Variants in CTIF observed in about 807,000 individuals in gnomAD.
The protein encoded by CTIF is CBP80/20-dependent translation initiation factor.
A neutral mutation model predicts 66.0 loss-of-function variants in CTIF; 21 were observed. The observed-to-expected ratio is 0.32, with a 90% CI of 0.23 to 0.46. CTIF has a LOEUF of 0.46. CTIF is among the 20% of genes least tolerant of loss of function. The pLI, the probability that CTIF is intolerant of heterozygous loss-of-function variation, is 1.00. For missense variants in CTIF, 739 were observed against 812.7 expected (o/e 0.91, Z 1.10); for synonymous variants, 345 against 326.4 (o/e 1.06, Z -0.62).
intron 1 of CTIF, among the ~76,000 whole-genome samples, chr18:48,573,896 G>A (rs1273023404): frequency 6.6e-6 from 1 of 152,240 alleles, no homozygotes; most frequent in East Asian, 1.9e-4. Context: ...CTCTGTATCA[G>A]GTGCTGTCCT....
intron 6 of CTIF, among the ~76,000 whole-genome samples, chr18:48,691,097 T>C (rs1488296289): frequency 6.6e-6 from 1 of 152,154 alleles, no homozygotes; most frequent in East Asian, 1.9e-4. Context: ...GTGAAGGAAA[T>C]GTCTTGGAAT....
At chr18:48,734,904 A>C (rs1167028768) in intron 7 of CTIF, among the ~76,000 whole-genome samples, 1 of 152,158 alleles carries the variant, frequency 6.6e-6, no homozygotes, top group Non-Finnish European at 1.5e-5. Context: ...AACAATTTAC[A>C]CTTAATATCA....
At chr18:48,710,784 C>T (rs2092214419) in intron 6 of CTIF, among the ~76,000 whole-genome samples, 1 of 152,112 alleles carries the variant, frequency 6.6e-6, no homozygotes, top group African/African-American at 2.4e-5. Context: ...GGAGCCTGGG[C>T]AACAAAGTGA....
intron 9 of CTIF, among the ~76,000 whole-genome samples, chr18:48,762,129 G>A (rs1211611626): frequency 6.6e-6 from 1 of 152,298 alleles, no homozygotes; most frequent in South Asian, 2.1e-4. Context: ...TAGTGAGATG[G>A]GTTTGAGTAA....
At chr18:48,601,432 T>C (rs1396527922) in intron 1 of CTIF, among the ~76,000 whole-genome samples, 1 of 152,236 alleles carries the variant, frequency 6.6e-6, no homozygotes, top group African/African-American at 2.4e-5. Context: ...CCAGACTTTC[T>C]CATAGGCGAT....
chr18:48,654,756 A>G (rs1055843605), intron 3 of CTIF, among the ~76,000 whole-genome samples: 2 of 152,254 alleles, frequency 1.3e-5, no homozygotes, highest in African/African-American at 4.8e-5. Context: ...TGGATTAAGA[A>G]AATGTGGCAC....
intron 2 of CTIF, among the ~76,000 whole-genome samples, chr18:48,624,931 C>T (rs187483161): frequency 7.9e-5 from 12 of 152,244 alleles, no homozygotes; most frequent in Non-Finnish European, 1.0e-4. Context: ...TGATGCTTTC[C>T]GGCACTTGGA....
chr18:48,669,790 C>CATTTATAT (rs1380729080), intron 5 of CTIF, among the ~76,000 whole-genome samples: 1 of 35,954 alleles, frequency 2.8e-5, no homozygotes, highest in African/African-American at 7.5e-5. Flanking sequence ...ACAAGCTAAA[C>CATTTATAT]ATTTATATAT....
intron 1 of CTIF, among the ~76,000 whole-genome samples, chr18:48,587,631 C>G (rs2089801181): frequency 6.6e-6 from 1 of 152,120 alleles, no homozygotes; most frequent in Non-Finnish European, 1.5e-5. Context: ...CTTTTTGGGG[C>G]CTCACTTTTC....
chr18:48,553,003 A>G (rs1171506763), intron 1 of CTIF, among the ~76,000 whole-genome samples: 1 of 152,202 alleles, frequency 6.6e-6, no homozygotes, highest in Non-Finnish European at 1.5e-5. Context: ...CCATCCTTCT[A>G]TAATACAGGG....
intron 6 of CTIF, among the ~76,000 whole-genome samples, chr18:48,678,607 T>A (rs1245078896): frequency 1.5e-5 from 2 of 131,782 alleles, no homozygotes; most frequent in Non-Finnish European, 3.3e-5. Context: ...TTTTTTTTTT[T>A]AAAGAACTGA....
intron 6 of CTIF, among the ~76,000 whole-genome samples, chr18:48,703,969 C>T (rs2092118134): frequency 6.6e-6 from 1 of 152,240 alleles, no homozygotes; most frequent in South Asian, 2.1e-4. Flanking sequence ...CAGACGCCAG[C>T]TCTCCCACTT....
chr18:48,547,412 C>G (rs965530369), intron 1 of CTIF, among the ~76,000 whole-genome samples: 4 of 152,194 alleles, frequency 2.6e-5, no homozygotes, highest in African/African-American at 9.6e-5. Flanking sequence ...TTCCCATGCT[C>G]AGAGTCTTTA....
chr18:48,743,029 A>G (rs1367947624), intron 7 of CTIF, among the ~76,000 whole-genome samples: 1 of 152,220 alleles, frequency 6.6e-6, no homozygotes, highest in East Asian at 1.9e-4. Flanking sequence ...TTTTTTACCC[A>G]TAATGGACAG....
At chr18:48,715,546 A>C (rs1246514025) in intron 7 of CTIF, among the ~76,000 whole-genome samples, 2 of 152,134 alleles carry the variant, frequency 1.3e-5, no homozygotes, top group Admixed American at 1.3e-4. Context: ...TGCCCAGAGC[A>C]CATAGACCAG....
intron 1 of CTIF, among the ~76,000 whole-genome samples, chr18:48,600,107 G>A (rs1334664773): frequency 6.6e-6 from 1 of 152,134 alleles, no homozygotes; most frequent in Non-Finnish European, 1.5e-5. Context: ...ATGGGGTTGA[G>A]AGCACTAAAA....
intron 9 of CTIF, among the ~76,000 whole-genome samples, chr18:48,778,336 G>C (rs973211022): frequency 6.6e-6 from 1 of 152,202 alleles, no homozygotes; most frequent in Non-Finnish European, 1.5e-5. Flanking sequence ...CAGGAGGCGG[G>C]AGCCCCAGGT....
At chr18:48,669,791 ATT>A (rs35796033) in intron 5 of CTIF, among the ~76,000 whole-genome samples, 2,826 of 34,518 alleles carry the variant, frequency 0.082, 793 homozygotes, top group East Asian at 0.19. Flanking sequence ...CAAGCTAAAC[ATT>A]TATATATATA....
At chr18:48,763,806 C>G (rs1293277042) in intron 9 of CTIF, among the ~76,000 whole-genome samples, 1 of 152,126 alleles carries the variant, frequency 6.6e-6, no homozygotes, top group Non-Finnish European at 1.5e-5. Flanking sequence ...CCCGTGTGAG[C>G]CTTTCCCTTT....
Sources: gnomAD v4.1 joint callset for allele counts (sites outside exome capture counted in the v4.1 genomes callset) on GRCh38, gnomAD v4.1.1 for gene constraint, MANE v1.5 for transcripts, NCBI Gene and HGNC (gene_info 2026-07-23, HGNC 2026-07-21) for gene names.